GALNT13: variants seen among roughly 807,000 people sequenced by gnomAD.
GALNT13 encodes polypeptide N-acetylgalactosaminyltransferase 13.
A neutral mutation model predicts 64.2 loss-of-function variants in GALNT13; 28 were observed. The observed-to-expected ratio is 0.44, with a 90% confidence interval of 0.32 to 0.60. The LOEUF (loss-of-function observed/expected upper bound fraction) is 0.60, where lower values mean the gene tolerates loss of function less well. Ranked by LOEUF, GALNT13 falls within the 20% of genes least tolerant of loss-of-function variation. GALNT13 has a pLI of 0.05. For missense variants in GALNT13, 577 were observed against 669.8 expected (o/e 0.86, Z 1.53); for synonymous variants, 214 against 224.6 (o/e 0.95, Z 0.42).
At chr2:154,074,355 T>C (rs949481712) in intron 3 of GALNT13, among the ~76,000 whole-genome samples, 2 of 151,956 alleles carry the variant, frequency 1.3e-5, no homozygotes, top group African/African-American at 4.8e-5. Context: ...TATAACATGA[T>C]ACAAGGACTC....
chr2:154,052,989 C>T (rs988845718), intron 3 of GALNT13, among the ~76,000 whole-genome samples: 2 of 152,012 alleles, frequency 1.3e-5, no homozygotes, highest in Non-Finnish European at 1.5e-5. Flanking sequence ...CACGAGGCCG[C>T]CTCGGTCTCC....
chr2:154,114,583 G>A (rs550520030), intron 3 of GALNT13, among the ~76,000 whole-genome samples: 1 of 131,166 alleles, frequency 7.6e-6, no homozygotes, highest in Non-Finnish European at 1.8e-5. Context: ...GTGTAGTGGG[G>A]TCCTTCCTTA....
chr2:154,052,536 A>G (rs1386845873), intron 3 of GALNT13, among the ~76,000 whole-genome samples: 3 of 151,960 alleles, frequency 2.0e-5, no homozygotes, highest in African/African-American at 4.8e-5. Context: ...CAGTTACTAA[A>G]TGTATCCTTT....
the GALNT13 span, among the ~76,000 whole-genome samples, chr2:153,098,993 GTA>G: frequency 2.0e-5 from 3 of 152,024 alleles, no homozygotes; most frequent in African/African-American, 7.2e-5. Flanking sequence ...TAAAATATGA[GTA>G]GCTGTAGTTC....
intron 3 of GALNT13, among the ~76,000 whole-genome samples, chr2:154,035,923 T>C (rs1698634780): frequency 6.6e-6 from 1 of 151,996 alleles, no homozygotes; most frequent in African/African-American, 2.4e-5. Context: ...TGTCTAATAT[T>C]GTAGGTAACA....
chr2:153,649,070 A>G, the GALNT13 span, among the ~76,000 whole-genome samples: 1 of 152,176 alleles, frequency 6.6e-6, no homozygotes, highest in African/African-American at 2.4e-5. Context: ...CTCTGGTAGA[A>G]TTTGGCTGTG....
At chr2:154,270,490 A>G (rs1030520337) in intron 8 of GALNT13, among the ~76,000 whole-genome samples, 4 of 151,958 alleles carry the variant, frequency 2.6e-5, no homozygotes, top group South Asian at 2.1e-4. Flanking sequence ...CTTTTCTATT[A>G]TTTCTAAAAT....
At chr2:153,892,878 CTTTAAT>C (rs996221548) in intron 1 of GALNT13, among the ~76,000 whole-genome samples, 5 of 151,970 alleles carry the variant, frequency 3.3e-5, no homozygotes, top group Admixed American at 6.6e-5. Context: ...CAAAAACATT[CTTTAAT>C]TTTATCTGCA....
chr2:153,587,104 C>T, the GALNT13 span, among the ~76,000 whole-genome samples: 1 of 151,874 alleles, frequency 6.6e-6, no homozygotes, highest in South Asian at 2.1e-4. Flanking sequence ...TGTAGTGGCA[C>T]ACACCTGTAA....
chr2:154,002,518 C>T (rs1254399383), intron 3 of GALNT13, among the ~76,000 whole-genome samples: 1 of 151,770 alleles, frequency 6.6e-6, no homozygotes, highest in Non-Finnish European at 1.5e-5. Flanking sequence ...TTGCTTTTGT[C>T]AAATTTCTGC....
At chr2:153,527,180 A>G in the GALNT13 span, among the ~76,000 whole-genome samples, 1 of 152,158 alleles carries the variant, frequency 6.6e-6, no homozygotes, top group East Asian at 1.9e-4. Flanking sequence ...ATCATTATCT[A>G]AGTACAAGAA....
chr2:153,970,156 T>A (rs1693644281), intron 3 of GALNT13, among the ~76,000 whole-genome samples: 1 of 152,214 alleles, frequency 6.6e-6, no homozygotes, highest in African/African-American at 2.4e-5. Flanking sequence ...GGTCTCTGAA[T>A]TCAGTTCACA....
the GALNT13 span, among the ~76,000 whole-genome samples, chr2:153,263,688 C>T: frequency 6.6e-6 from 1 of 152,092 alleles, no homozygotes; most frequent in Non-Finnish European, 1.5e-5. Context: ...CAAAAACAAG[C>T]AGTGGGGAAA....
At chr2:153,800,303 T>G in the GALNT13 span, among the ~76,000 whole-genome samples, 2 of 152,024 alleles carry the variant, frequency 1.3e-5, no homozygotes, top group Admixed American at 1.3e-4. Flanking sequence ...AAAGAAAAAA[T>G]AATAAAAAAT....
chr2:153,923,387 C>T (rs1481493915), intron 2 of GALNT13, among the ~76,000 whole-genome samples: 1 of 152,078 alleles, frequency 6.6e-6, no homozygotes, highest in Non-Finnish European at 1.5e-5. Context: ...CAATTACATT[C>T]GTTATATACT....
the GALNT13 span, among the ~76,000 whole-genome samples, chr2:153,564,707 G>A: frequency 6.6e-6 from 1 of 151,960 alleles, no homozygotes; most frequent in African/African-American, 2.4e-5. Flanking sequence ...GTGGTCTTTG[G>A]AAAATAATTC....
chr2:153,267,422 T>G, the GALNT13 span, among the ~76,000 whole-genome samples: 57,619 of 152,104 alleles, frequency 0.38, 11,453 homozygotes, highest in Middle Eastern at 0.52. Flanking sequence ...GAAATCTAGG[T>G]GGAGGTTTCC....
chr2:153,118,146 C>CACACACACACACA, the GALNT13 span, among the ~76,000 whole-genome samples: 1 of 144,422 alleles, frequency 6.9e-6, no homozygotes, highest in Admixed American at 6.7e-5. Context: ...CACACACACA[C>CACACACACACACA]CCCACATAAA....
At chr2:153,814,461 GTAAGTAAA>G in the GALNT13 span, among the ~76,000 whole-genome samples, 24 of 77,396 alleles carry the variant, frequency 3.1e-4, no homozygotes, top group African/African-American at 9.1e-4. Flanking sequence ...AAGTAAGTAA[GTAAGTAAA>G]TAAATAAATA....
Sources: gnomAD v4.1 joint callset for allele counts (sites outside exome capture counted in the v4.1 genomes callset) on GRCh38, gnomAD v4.1.1 for gene constraint, MANE v1.5 for transcripts, NCBI Gene and HGNC (gene_info 2026-07-23, HGNC 2026-07-21) for gene names.